The following ASCC3 variants were observed in gnomAD, a reference collection of about 807,000 sequenced individuals.
ASCC3 encodes ASC-1 complex subunit P200.
ASCC3 carries 158 observed loss-of-function variants against 256.3 expected under a neutral mutation model. The ratio of observed to expected loss-of-function variants is 0.62; its 90% CI spans 0.54 to 0.70. The LOEUF is 0.70. Among genes scored for constraint, ASCC3 ranks in the 30% least tolerant of loss-of-function variants. The pLI is 0.00. For synonymous variants in ASCC3, 948 were observed against 883.4 expected (o/e 1.07, Z -1.30); for missense variants, 2,259 against 2,626.0 (o/e 0.86, Z 3.05).
intron 20 of ASCC3, among the ~76,000 whole-genome samples, chr6:100,650,159 G>A (rs1775589698): frequency 6.7e-6 from 1 of 150,332 alleles, no homozygotes. Context: ...ATCTAAAAAA[G>A]TTCCACAATC....
At chr6:100,760,421 G>A (rs1781369798) in intron 10 of ASCC3, among the ~76,000 whole-genome samples, 1 of 152,130 alleles carries the variant, frequency 6.6e-6, no homozygotes, top group Non-Finnish European at 1.5e-5. Flanking sequence ...TGTGGTTTAT[G>A]GATTACATTT....
rs199675232 is a variant in ASCC3 at position 100,848,196 on chromosome 6, T to C, written c.753A>G (p.Leu251=). The C allele has an allele frequency of 2.2e-5, 36 of 1,610,768 alleles. No individual in the cohort carries two copies. Among genetic ancestry groups the C allele is most frequent in the Non-Finnish European group, 2.9e-5 (34 of 1,178,888 alleles). The change falls in exon 4 of 42, where the codon TTA becomes TTG. Residue 251 remains leucine (L), a synonymous_variant. Transcript: ENST00000369162. The part of the protein sequence containing the change: ...VPRVEDLCCT[L]YDMLASIKSG... ...TTTTAATAGAAGCAAGCATATCATA[T>C]AAAGTACAGCAAAGATCTTCTACTC...
At chr6:100,799,656 A>G in intron 6 of ASCC3, 84 bp from the exon 7 acceptor site, 1 of 1,388,392 alleles carries the variant, frequency 7.2e-7, no homozygotes, top group Non-Finnish European at 1.0e-6. Context: ...TATAAAAGAT[A>G]TTGGGAGCTA....
At chr6:100,767,757 C>T (rs1213490226) in intron 8 of ASCC3, among the ~76,000 whole-genome samples, 4 of 150,106 alleles carry the variant, frequency 2.7e-5, no homozygotes, top group East Asian at 3.9e-4. Flanking sequence ...TACAGGCTCC[C>T]GCCACCATGC....
chr6:100,509,184 T>A lies in ASCC3; in HGVS notation c.*202A>T. 1 of 632,382 alleles carries A rather than the reference T, an allele frequency of 1.6e-6. No homozygotes were observed. The highest frequency in any genetic ancestry group is 1.8e-5 in the South Asian group (1 of 54,164). The allele number at this position is 632,382 out of a possible 1,614,324, so 39.2% of individuals were successfully genotyped here. A position where few individuals can be genotyped will look rare whatever the true frequency, so the allele number is the denominator to read the frequency against. ...ATCAAGAAACTCATAAAGATAACAT[T>A]ATAAAAGGCAACATTTGTTAAAAGG... On this transcript the variant is annotated 3_prime_UTR_variant, in exon 42 of 42. Transcript: ENST00000369162.
At chr6:100,552,150 A>T (rs1769333612) in intron 36 of ASCC3, among the ~76,000 whole-genome samples, 1 of 151,530 alleles carries the variant, frequency 6.6e-6, no homozygotes. Context: ...ATAATAATAA[A>T]AATAATAGTA....
At chr6:100,791,578 C>G (rs1440600058) in intron 8 of ASCC3, among the ~76,000 whole-genome samples, 1 of 151,970 alleles carries the variant, frequency 6.6e-6, no homozygotes, top group African/African-American at 2.4e-5. Flanking sequence ...CAAGAAGCAA[C>G]TCAAGTCTCA....
chr6:100,820,468 C>T (rs944024141), intron 4 of ASCC3, among the ~76,000 whole-genome samples: 1 of 151,920 alleles, frequency 6.6e-6, no homozygotes, highest in Non-Finnish European at 1.5e-5. Flanking sequence ...TTACTGCATA[C>T]CATATAAAAA....
chr6:100,818,934 A>G (rs1770903482), intron 4 of ASCC3, among the ~76,000 whole-genome samples: 1 of 152,134 alleles, frequency 6.6e-6, no homozygotes. Context: ...CATCAGTGAT[A>G]GACTGGATTA....
At chr6:100,863,775 C>A (rs1235425928) in intron 3 of ASCC3, among the ~76,000 whole-genome samples, 1 of 152,020 alleles carries the variant, frequency 6.6e-6, no homozygotes, top group Non-Finnish European at 1.5e-5. Flanking sequence ...ACCACCACAC[C>A]TAGCTAGTTT....
intron 10 of ASCC3, among the ~76,000 whole-genome samples, chr6:100,729,000 A>G (rs1779769137): frequency 6.6e-6 from 1 of 152,206 alleles, no homozygotes; most frequent in Non-Finnish European, 1.5e-5. Context: ...CAGTATATAC[A>G]TAGTTTTCTG....
At position 100,802,509 on chromosome 6, in the gene ASCC3, C is replaced by T. The variant is rs560407960; in HGVS notation, c.923-2005G>A. On this transcript the variant is annotated intron_variant, in intron 5 of 41. Coordinates refer to ENST00000369162, the MANE Select transcript of ASCC3 (RefSeq NM_006828.4). Reference sequence around the variant, plus strand: ...TTAAACCTCTTTTCTTTATAAATTACCCAGTCTCAGGTATTTCTTTATAGC... The same window carrying T: ...TTAAACCTCTTTTCTTTATAAATTATCCAGTCTCAGGTATTTCTTTATAGC... Among the ~76,000 whole-genome samples the T allele has an allele frequency of 5.5e-3, 836 of 152,104 alleles. 7 individuals carry two copies. The highest frequency in any genetic ancestry group is 0.014 in the Middle Eastern group (4 of 294).
chr6:100,724,720 G>T (rs1414554332), intron 11 of ASCC3, among the ~76,000 whole-genome samples: 1 of 151,828 alleles, frequency 6.6e-6, no homozygotes, highest in African/African-American at 2.4e-5. Context: ...AAGCACGAGG[G>T]ACTCTATTTC....
intron 14 of ASCC3, among the ~76,000 whole-genome samples, chr6:100,677,337 T>TAAAAAAAAAAAAAAA (rs879435725): frequency 1.4e-5 from 2 of 147,472 alleles, no homozygotes; most frequent in African/African-American, 5.0e-5. Context: ...CTATTTTATT[T>TAAAAAAAAAAAAAAA]AAAAAAAAAA....
chr6:100,795,607 T>C (rs1769572739), intron 8 of ASCC3, among the ~76,000 whole-genome samples: 2 of 152,128 alleles, frequency 1.3e-5, no homozygotes. Flanking sequence ...ATTTTTTACA[T>C]TGCTCCCTTT....
At chr6:100,567,845 C>A (rs1017440529) in intron 36 of ASCC3, among the ~76,000 whole-genome samples, 4 of 152,044 alleles carry the variant, frequency 2.6e-5, no homozygotes, top group Non-Finnish European at 5.9e-5. Flanking sequence ...GTGAGTAATG[C>A]TGAGATAAAC....
intron 11 of ASCC3, among the ~76,000 whole-genome samples, chr6:100,719,843 T>G (rs1230841817): frequency 6.6e-6 from 1 of 152,026 alleles, no homozygotes; most frequent in Non-Finnish European, 1.5e-5. Flanking sequence ...AAAGTCTCCC[T>G]ACTTACTAAA....
intron 1 of ASCC3, among the ~76,000 whole-genome samples, chr6:100,875,683 A>G (rs1773965962): frequency 6.6e-6 from 1 of 151,928 alleles, no homozygotes; most frequent in Non-Finnish European, 1.5e-5. Flanking sequence ...TCCACAAATC[A>G]GTTGTCATAT....
chr6:100,800,629 G>A, intron 5 of ASCC3, 125 bp from the exon 6 acceptor site: 1 of 742,980 alleles, frequency 1.3e-6, no homozygotes, highest in South Asian at 1.7e-5. Flanking sequence ...TTTAAAGCTG[G>A]CAAATTCAAT....
Sources: allele counts gnomAD v4.1 joint callset (sites outside exome capture counted in the v4.1 genomes callset), GRCh38; gene constraint gnomAD v4.1.1; transcripts MANE v1.5; gene names NCBI Gene and HGNC (gene_info 2026-07-23, HGNC 2026-07-21).